DCT: variants seen among roughly 807,000 people sequenced by gnomAD.
DCT encodes the protein dopachrome tautomerase, also known as L-dopachrome tautomerase.
In DCT, 47 loss-of-function variants were observed where a neutral mutation model predicts 53.0. That is an observed-to-expected ratio of 0.89 (90% CI 0.70 to 1.13). The LOEUF is 1.13. DCT is among the 50% of genes most tolerant of loss of function. The pLI is 0.00. For missense variants in DCT, 669 were observed against 637.4 expected, an observed-to-expected ratio of 1.05 and a Z score of -0.53; for synonymous variants, 244 against 237.0, an observed-to-expected ratio of 1.03 and a Z score of -0.27.
At chr13:94,488,721 T>TAC in the DCT span, among the ~76,000 whole-genome samples, 3 of 74,610 alleles carry the variant, frequency 4.0e-5, no homozygotes. Context: ...TTGTCTAATA[T>TAC]ATACACACAC....
intron 6 of DCT, among the ~76,000 whole-genome samples, chr13:94,445,270 A>G (rs1882642880): frequency 6.6e-6 from 1 of 152,192 alleles, no homozygotes; most frequent in Non-Finnish European, 1.5e-5. Flanking sequence ...CTCTTTTATA[A>G]CCAATAAAAT....
chr13:94,527,822 G>A, the DCT span, among the ~76,000 whole-genome samples: 24 of 152,180 alleles, frequency 1.6e-4, no homozygotes, highest in Admixed American at 9.2e-4. Context: ...TCAGAAGGTC[G>A]GTAATAACAA....
chr13:94,467,242 G>A (rs1462501584), intron 2 of DCT: 4 of 152,208 alleles, frequency 2.6e-5, no homozygotes, highest in African/African-American at 9.6e-5. Context: ...ATACATTCAA[G>A]CCATTTAGGC....
At chr13:94,489,295 A>G in the DCT span, among the ~76,000 whole-genome samples, 1 of 152,190 alleles carries the variant, frequency 6.6e-6, no homozygotes, top group Non-Finnish European at 1.5e-5. Flanking sequence ...TAAAAAGAGT[A>G]TAACCCAGTC....
rs951327211 is a variant in DCT, at chr13:94,479,083, C to T, written c.173G>A (p.Arg58Gln). ...SANVCGSQQG[R>Q]GQCTEVRADT... ...GGCTCGCACCTCTGTGCACTGCCCC[C>T]GGCCTTGCTGAGAGCCACAGACATT... Residue 58 changes from arginine to glutamine, a missense_variant, in exon 1 of 8, where the codon CGG (arginine) becomes CAG (glutamine). Transcript: ENST00000377028. 1.1e-5 allele frequency: 18 copies of T among 1,614,096 alleles called. No individual in the cohort carries two copies. The highest frequency in any genetic ancestry group is 5.3e-5 in the African/African-American group (4 of 74,950).
the DCT span, among the ~76,000 whole-genome samples, chr13:94,508,340 T>C: frequency 6.6e-6 from 1 of 152,226 alleles, no homozygotes; most frequent in African/African-American, 2.4e-5. Context: ...AGGTGGGTTA[T>C]ACTGGACCCC....
chr13:94,442,314 T>G (rs1217610166), intron 7 of DCT, among the ~76,000 whole-genome samples: 2 of 152,190 alleles, frequency 1.3e-5, no homozygotes, highest in African/African-American at 2.4e-5. Context: ...TTTGTTTTTT[T>G]GGGTTTTTTT....
rs142861036 is a variant in DCT at position 94,461,810 on chromosome 13, A to G, written c.1043+200T>C. Among the ~76,000 whole-genome samples, 426 of 152,306 alleles carry G rather than the reference A, an allele frequency of 2.8e-3. 1 individual carries two copies. Among genetic ancestry groups the G allele is most frequent in the African/African-American group, 9.4e-3 (391 of 41,570 alleles). On this transcript the variant is annotated intron_variant, in intron 5 of 7. Transcript: ENST00000377028. Reference sequence around the variant, plus strand: ...TTGAACAGCTAAGTTAGAAGGTATTAAAACCACATTGTTAGTCATAGTAGA... The same window carrying G: ...TTGAACAGCTAAGTTAGAAGGTATTGAAACCACATTGTTAGTCATAGTAGA...
At chr13:94,456,709 C>T (rs1048539952) in intron 6 of DCT, among the ~76,000 whole-genome samples, 1 of 152,138 alleles carries the variant, frequency 6.6e-6, no homozygotes, top group African/African-American at 2.4e-5. Flanking sequence ...GTCAAGAGAC[C>T]CACACTTTGC....
At chr13:94,525,204 G>A in the DCT span, among the ~76,000 whole-genome samples, 1 of 152,106 alleles carries the variant, frequency 6.6e-6, no homozygotes, top group Non-Finnish European at 1.5e-5. Flanking sequence ...GGGTTCAAGT[G>A]ATTCTTCTGC....
chr13:94,539,780 A>T, the DCT span, among the ~76,000 whole-genome samples: 1 of 152,136 alleles, frequency 6.6e-6, no homozygotes, highest in African/African-American at 2.4e-5. Flanking sequence ...TATGGTTTGA[A>T]AGCTCAGCTC....
chr13:94,462,015 A>G lies in DCT; in HGVS notation c.1038T>C (p.Ser346=). ...GCAGAGCTCAGAGCACCCACCTGAAACTGAAGGTAGAGTTCTGGAAGAAGG... is the reference window on the plus strand; with the variant it reads ...GCAGAGCTCAGAGCACCCACCTGAAGCTGAAGGTAGAGTTCTGGAAGAAGG... ...NPPFFQNSTF[S]FRNALEGFDK... is the part of the protein sequence containing the mutation. Residue 346 remains serine, a synonymous_variant, in exon 5 of 8, where the codon AGT becomes AGC. Coordinates refer to ENST00000377028, the MANE Select transcript of DCT (RefSeq NM_001922.5). 1 of 1,613,270 alleles carries G rather than the reference A, an allele frequency of 6.2e-7. No individual in the cohort carries two copies. The highest frequency in any genetic ancestry group is 8.5e-7 in the Non-Finnish European group (1 of 1,179,778).
chr13:94,510,212 G>A, the DCT span, among the ~76,000 whole-genome samples: 14,238 of 152,080 alleles, frequency 0.094, 1,568 homozygotes, highest in African/African-American at 0.26. Flanking sequence ...GTCACTGGAT[G>A]GCTCTACAAA....
the DCT span, among the ~76,000 whole-genome samples, chr13:94,488,770 GC>G: frequency 7.9e-6 from 1 of 126,108 alleles, no homozygotes; most frequent in African/African-American, 3.0e-5. Flanking sequence ...ACACACACAC[GC>G]CATATATATA....
At chr13:94,485,208 G>C in the DCT span, among the ~76,000 whole-genome samples, 1 of 152,008 alleles carries the variant, frequency 6.6e-6, no homozygotes, top group Non-Finnish European at 1.5e-5. Flanking sequence ...ATGTAGCATG[G>C]GTCTTTTTCT....
intron 3 of DCT, 102 bp from the exon 4 acceptor site, chr13:94,465,901 C>G: frequency 1.4e-6 from 1 of 737,356 alleles, no homozygotes; most frequent in South Asian, 3.0e-5. Context: ...AAATATCTAC[C>G]AAGACAAAGA....
chr13:94,541,447 T>C, the DCT span, among the ~76,000 whole-genome samples: 5 of 151,052 alleles, frequency 3.3e-5, no homozygotes, highest in East Asian at 9.8e-4. Context: ...GAGGTTGCAG[T>C]GAGCTGAGAT....
At chr13:94,482,089 G>A (rs1302445179), upstream of DCT, among the ~76,000 whole-genome samples, 3 of 152,198 alleles carry the variant, frequency 2.0e-5, no homozygotes, top group East Asian at 1.9e-4. Context: ...TCAGGCATAC[G>A]ATCAGTAGTT....
chr13:94,486,071 C>T, the DCT span, among the ~76,000 whole-genome samples: 1 of 152,278 alleles, frequency 6.6e-6, no homozygotes, highest in African/African-American at 2.4e-5. Flanking sequence ...GAAGAGAAAA[C>T]AGAGGCTGCC....
Sources: gnomAD v4.1 joint callset for allele counts (sites outside exome capture counted in the v4.1 genomes callset) on GRCh38, gnomAD v4.1.1 for gene constraint, MANE v1.5 for transcripts, NCBI Gene and HGNC (gene_info 2026-07-23, HGNC 2026-07-21) for gene names.